The following UNC93A variants were observed in gnomAD, a reference collection of about 807,000 sequenced individuals.
UNC93A encodes N-acetylglucosamine transporter UNC93A.
In UNC93A, 43 loss-of-function variants were observed where a neutral mutation model predicts 47.5. The observed-to-expected ratio is 0.91, with a 90% CI of 0.71 to 1.17. UNC93A has a LOEUF of 1.17. Among genes scored for constraint, UNC93A ranks in the 50% most tolerant of loss-of-function variants. The pLI, the probability that UNC93A is intolerant of heterozygous loss-of-function variation, is 0.00. For synonymous variants in UNC93A, 280 were observed against 258.0 expected (o/e 1.09, Z -0.82); for missense variants, 605 against 577.6 (o/e 1.05, Z -0.49).
upstream of UNC93A, among the ~76,000 whole-genome samples, chr6:167,287,788 A>G (rs1390513162): frequency 1.3e-5 from 2 of 152,060 alleles, no homozygotes; most frequent in African/African-American, 4.8e-5. Context: ...GTTCTGAACC[A>G]GGACCTACAC....
chr6:167,305,358 G>A (rs894945862), intron 5 of UNC93A, among the ~76,000 whole-genome samples: 2 of 152,146 alleles, frequency 1.3e-5, no homozygotes, highest in African/African-American at 4.8e-5. Context: ...CTCCTCCACT[G>A]GACTTGTCCT....
At chr6:167,294,826 T>C in intron 2 of UNC93A, 128 bp downstream of exon 2, 1 of 1,040,484 alleles carries the variant, frequency 9.6e-7, no homozygotes, top group South Asian at 1.6e-5. Flanking sequence ...TGAGCTCTCC[T>C]GCCCCTGCAC....
intron 7 of UNC93A, among the ~76,000 whole-genome samples, chr6:167,314,156 C>T (rs1461792703): frequency 2.6e-5 from 4 of 152,188 alleles, no homozygotes; most frequent in African/African-American, 9.7e-5. Flanking sequence ...CCTCCCCACA[C>T]ACGGCATTGT....
upstream of UNC93A, among the ~76,000 whole-genome samples, chr6:167,287,126 T>C (rs958208533): frequency 1.2e-4 from 19 of 152,042 alleles, no homozygotes; most frequent in African/African-American, 4.6e-4. Context: ...CGTATTTGGC[T>C]CTCAGCTGTC....
At chr6:167,293,077 G>A (rs1783879189) in intron 1 of UNC93A, among the ~76,000 whole-genome samples, 1 of 152,152 alleles carries the variant, frequency 6.6e-6, no homozygotes, top group African/African-American at 2.4e-5. Flanking sequence ...GTGACGGCAG[G>A]ACCCAAGGCT....
chr6:167,306,844 G>A lies in UNC93A; in HGVS notation c.976+794G>A, dbSNP rs565064217. On this transcript the variant is annotated intron_variant, in intron 6 of 7. Transcript: ENST00000230256. ...GTGTGGACCTGCCTTTCCGCTGACA[G>A]AGACCCTGCTCTTCCTCTGTGGCGT... 3.9e-5 allele frequency among the ~76,000 whole-genome samples: 6 copies of A among 152,340 alleles called. No homozygotes were observed. The East Asian group carries it at 1.2e-3, about 29-fold the overall frequency.
chr6:167,286,852 C>T (rs1459985831), upstream of UNC93A, among the ~76,000 whole-genome samples: 2 of 151,716 alleles, frequency 1.3e-5, no homozygotes, highest in African/African-American at 2.4e-5. Context: ...GTGGCGGGTG[C>T]CTGTAATCCC....
intron 2 of UNC93A, 62 bp from the exon 3 acceptor site, chr6:167,295,970 G>T (rs2115126879): frequency 1.3e-6 from 2 of 1,495,678 alleles, no homozygotes; most frequent in East Asian, 4.6e-5. Flanking sequence ...GAACTGCAGG[G>T]ACATGGGTGC....
At chr6:167,275,286 C>G (rs73257111) in intron 1 of UNC93A, among the ~76,000 whole-genome samples, 9,979 of 152,302 alleles carry the variant, frequency 0.066, 636 homozygotes, top group African/African-American at 0.17. Flanking sequence ...CTGGCCCACA[C>G]AGCACCAGTC....
In UNC93A at chr6:167,308,031, G is replaced by T. The variant is rs79087897; in HGVS notation, c.1108+121G>T. ...CCAAGAGAGATGAGTTGGGAGAGACGGGAGGGCCAAGAGGGCTTTGATGTC... is the reference window on the plus strand; with the variant it reads ...CCAAGAGAGATGAGTTGGGAGAGACTGGAGGGCCAAGAGGGCTTTGATGTC... On this transcript the variant is annotated intron_variant, in intron 7 of 7. Coordinates refer to ENST00000230256, the MANE Select transcript of UNC93A (RefSeq NM_018974.4). 6 of 1,385,968 alleles carry T rather than the reference G, an allele frequency of 4.3e-6. No homozygotes were observed. In the African/African-American group the frequency reaches 7.2e-5, roughly 17 times the overall value. The allele number at this position is 1,385,968 out of a possible 1,614,324, so 85.9% of individuals were successfully genotyped here.
At chr6:167,293,428 C>T (rs1777946422) in intron 1 of UNC93A, among the ~76,000 whole-genome samples, 1 of 152,192 alleles carries the variant, frequency 6.6e-6, no homozygotes, top group Non-Finnish European at 1.5e-5. Flanking sequence ...GGCAGCTGAC[C>T]TTGAGCATGC....
At chr6:167,277,311 C>G (rs562001296) in intron 1 of UNC93A, among the ~76,000 whole-genome samples, 1 of 152,196 alleles carries the variant, frequency 6.6e-6, no homozygotes, top group African/African-American at 2.4e-5. Context: ...TGGCCTGTGA[C>G]CTGCCTTGGC....
At position 167,297,971 on chromosome 6, in the gene UNC93A, T is replaced by A. The variant is rs1327493545; in HGVS notation, c.526T>A (p.Ser176Thr). 1 of 1,614,078 alleles carries A rather than the reference T, an allele frequency of 6.2e-7. No individual in the cohort carries two copies. Among genetic ancestry groups the A allele is most frequent in the South Asian group, 1.1e-5 (1 of 91,074 alleles). The change falls in exon 4 of 8, where the codon TCC (serine) becomes ACC (threonine). Residue 176 changes from serine (S) to threonine (T), a missense_variant. Physicochemically the swap from Ser to Thr is moderately conservative, Grantham distance 58. Transcript: ENST00000230256. Reference sequence around the variant, plus strand: ...GACCCTTCCAGAAGAGCAGCTCACGTCCTGTGGGGCCAGTGACTGCCTGAT... The same window carrying A: ...GACCCTTCCAGAAGAGCAGCTCACGACCTGTGGGGCCAGTGACTGCCTGAT... ...QETLPEEQLT[S>T]CGASDCLMAT...
At chr6:167,287,095 C>T (rs1373957967), upstream of UNC93A, among the ~76,000 whole-genome samples, 1 of 152,074 alleles carries the variant, frequency 6.6e-6, no homozygotes, top group Non-Finnish European at 1.5e-5. Flanking sequence ...AGCCCGGCTT[C>T]CTCGGCTATC....
At position 167,294,582 on chromosome 6, in the gene UNC93A, C is replaced by T. The variant is rs952914011; in HGVS notation, c.153C>T (p.Leu51=). The T allele has an allele frequency of 2.5e-6, 4 of 1,614,018 alleles. No individual in the cohort carries two copies. The highest frequency in any genetic ancestry group is 2.2e-5 in the East Asian group (1 of 44,866). ...TALSTLYGGM[L]LSSMFLPPLL... ...TCAGCACCCTCTATGGAGGCATGCT[C>T]CTGTCCTCCATGTTCCTCCCACCGC... Residue 51 remains leucine (L), a synonymous_variant, in exon 2 of 8, where the codon CTC becomes CTT. Transcript: ENST00000230256.
intron 6 of UNC93A, among the ~76,000 whole-genome samples, chr6:167,306,925 G>A (rs1034388946): frequency 4.6e-5 from 7 of 152,154 alleles, no homozygotes; most frequent in Admixed American, 6.5e-5. Flanking sequence ...ACAGCCTGTG[G>A]AAATTGGGGT....
chr6:167,302,775 G>A (rs1347741836), intron 4 of UNC93A, among the ~76,000 whole-genome samples: 1 of 152,134 alleles, frequency 6.6e-6, no homozygotes, highest in African/African-American at 2.4e-5. Context: ...GCAAATCCAG[G>A]AGTCCCCCTT....
At chr6:167,284,592 T>C (rs1478767871) in intron 1 of UNC93A, among the ~76,000 whole-genome samples, 3 of 152,302 alleles carry the variant, frequency 2.0e-5, no homozygotes, top group African/African-American at 2.4e-5. Context: ...CTTGAGTAGA[T>C]ACTGATCATG....
chr6:167,308,709 G>T (rs900565844), intron 7 of UNC93A, among the ~76,000 whole-genome samples: 1 of 152,056 alleles, frequency 6.6e-6, no homozygotes, highest in African/African-American at 2.4e-5. Flanking sequence ...AGCATGTGGG[G>T]GAGGGTCAGA....
Sources: allele counts gnomAD v4.1 joint callset (sites outside exome capture counted in the v4.1 genomes callset), GRCh38; gene constraint gnomAD v4.1.1; transcripts MANE v1.5; gene names NCBI Gene and HGNC (gene_info 2026-07-23, HGNC 2026-07-21).